The following ZNF792 variants were observed in gnomAD, a reference collection of about 807,000 sequenced individuals.
ZNF792 encodes the protein zinc finger protein 792.
In ZNF792, 14 loss-of-function variants were observed where a neutral mutation model predicts 13.1. That is an observed-to-expected ratio of 1.07 (90% CI 0.71 to 1.67). ZNF792 has a LOEUF of 1.67. ZNF792 is among the 40% of genes most tolerant of loss of function. The probability of loss-of-function intolerance (pLI) is 0.00; values close to 1 mark genes in which losing one functional copy is unlikely to be tolerated. For missense variants in ZNF792, 740 were observed against 807.9 expected, an observed-to-expected ratio of 0.92 and a Z score of 1.02; for synonymous variants, 257 against 292.0, an observed-to-expected ratio of 0.88 and a Z score of 1.22.
In ZNF792 at chr19:34,959,674, T is replaced by C. The variant is rs1007692693; in HGVS notation, c.284-103A>G. 5.8e-5 allele frequency: 74 copies of C among 1,280,510 alleles called. No individual in the cohort carries two copies. The highest frequency in any genetic ancestry group is 8.5e-5 in the Admixed American group (3 of 35,104). 79.3% of individuals were successfully genotyped at this position (1,280,510 alleles called of 1,614,324 possible). On this transcript the variant is annotated intron_variant, in intron 3 of 3. Transcript: ENST00000404801. Reference sequence around the variant, plus strand: ...ACCCAAGAATAAGCCCATGGGATTGTTGGCAACACAAGAAGGCTCAGGTCA... The same window carrying C: ...ACCCAAGAATAAGCCCATGGGATTGCTGGCAACACAAGAAGGCTCAGGTCA...
At chr19:34,961,031 T>G in intron 1 of ZNF792, 37 bp from the exon 2 acceptor site, 1 of 1,591,766 alleles carries the variant, frequency 6.3e-7, no homozygotes, top group Non-Finnish European at 8.6e-7. Flanking sequence ...ATGATCAGTC[T>G]CTGTCCTTGG....
In ZNF792 at chr19:34,963,866, C is replaced by G. The variant is rs111702221; in HGVS notation, c.-204G>C. The G allele has an allele frequency of 1.7e-6, 1 of 580,586 alleles. No individual in the cohort carries two copies. Among genetic ancestry groups the G allele is most frequent in the Non-Finnish European group, 2.9e-6 (1 of 342,542 alleles). 36.0% of individuals were successfully genotyped at this position (580,586 alleles called of 1,614,324 possible). The stretch of plus-strand genomic sequence containing the variant: ...GCGCAGGCTCCGGGGGCGCCGAGAG[C>G]GCGCAGCTCCGCTGGGTACCCCCGT... On this transcript the variant is annotated 5_prime_UTR_variant, in exon 1 of 4. Coordinates refer to ENST00000404801, the MANE Select transcript of ZNF792 (RefSeq NM_175872.5).
At chr19:34,959,988 T>A (rs1219399001) in intron 3 of ZNF792, among the ~76,000 whole-genome samples, 1 of 152,016 alleles carries the variant, frequency 6.6e-6, no homozygotes, top group Admixed American at 6.5e-5. Context: ...TAGGCCAGTG[T>A]TGGAAAGTGC....
intron 1 of ZNF792, among the ~76,000 whole-genome samples, chr19:34,962,024 C>T (rs1409479855): frequency 6.6e-6 from 1 of 152,222 alleles, no homozygotes; most frequent in South Asian, 2.1e-4. Context: ...TCCATCACCA[C>T]CATGACCACT....
chr19:34,960,693 G>T, intron 2 of ZNF792, 175 bp downstream of exon 2: 1 of 982,404 alleles, frequency 1.0e-6, no homozygotes, highest in Non-Finnish European at 1.5e-6. Context: ...GCAGCTCAGG[G>T]AGAGGAGGGA....
Position 34,963,885 on chromosome 19 carries a change from C to G in ZNF792, c.-223G>C. 1 of 545,446 alleles carries G rather than the reference C, an allele frequency of 1.8e-6. No individual in the cohort carries two copies. The highest frequency in any genetic ancestry group is 3.2e-6 in the Non-Finnish European group (1 of 316,098). The allele number at this position is 545,446 out of a possible 1,614,324, so 33.8% of individuals were successfully genotyped here. A position where few individuals can be genotyped will look rare whatever the true frequency, so the allele number is the denominator to read the frequency against. Reference sequence around the variant, plus strand: ...CGAGAGCGCGCAGCTCCGCTGGGTACCCCCGTTGCAAGGGGTCACGGCTGG... The same window carrying G: ...CGAGAGCGCGCAGCTCCGCTGGGTAGCCCCGTTGCAAGGGGTCACGGCTGG... On this transcript the variant is annotated 5_prime_UTR_variant, in exon 1 of 4. Transcript: ENST00000404801.
intron 3 of ZNF792, 130 bp from the exon 4 acceptor site, chr19:34,959,701 G>A: frequency 1.9e-6 from 2 of 1,032,522 alleles, no homozygotes; most frequent in Non-Finnish European, 2.7e-6. Flanking sequence ...CTCAGGTCAG[G>A]GTAAGGAATA....
intron 2 of ZNF792, 155 bp downstream of exon 2, chr19:34,960,713 A>C: frequency 1.7e-6 from 2 of 1,172,994 alleles, no homozygotes; most frequent in Non-Finnish European, 2.4e-6. Context: ...AACAATGCAC[A>C]TAGCTCAGCC....
Position 34,958,262 on chromosome 19 carries a change from C to A in ZNF792, c.1593G>T (p.Glu531Asp), listed in dbSNP as rs1293615494. 1.2e-6 allele frequency: 2 copies of A among 1,613,410 alleles called. No homozygotes were observed. The highest frequency in any genetic ancestry group is 1.7e-6 in the Non-Finnish European group (2 of 1,179,748). ...CACATTCGCTGCACTCATAAGGCCG[C>A]TCGCCGGTGTGAAGTCTCCGGTGGT... ...LNNHRRLHTGERPYECSECGK... is the reference protein window; with the variant it reads ...LNNHRRLHTGDRPYECSECGK... Residue 531 changes from glutamate to aspartate, a missense_variant, in exon 4 of 4, where the codon GAG becomes GAT. Coordinates refer to ENST00000404801, the MANE Select transcript of ZNF792 (RefSeq NM_175872.5).
rs2013504491 is a variant in ZNF792, at chr19:34,960,172, T to C, written c.283+63A>G. ...AAATGATGATGAATAGGAGAGAAGA[T>C]GCTGGTATGATGTAAACACAGTGGT... On this transcript the variant is annotated intron_variant, in intron 3 of 3. Coordinates refer to ENST00000404801, the MANE Select transcript of ZNF792 (RefSeq NM_175872.5). 8.2e-6 allele frequency: 13 copies of C among 1,584,014 alleles called. 1 individual carries two copies. In the Admixed American group the frequency reaches 2.2e-4, roughly 27 times the overall value.
intron 1 of ZNF792, among the ~76,000 whole-genome samples, chr19:34,961,716 TA>T (rs1359329118): frequency 2.6e-5 from 4 of 151,840 alleles, no homozygotes; most frequent in Non-Finnish European, 5.9e-5. Flanking sequence ...CACACTCATT[TA>T]AAAAAGAAAA....
chr19:34,960,386 C>CCAG (rs773242579), intron 2 of ZNF792, 29 bp from the exon 3 acceptor site: 2 of 1,606,414 alleles, frequency 1.2e-6, no homozygotes, highest in African/African-American at 2.7e-5. Context: ...GGGTCAGTGG[C>CCAG]CAGCACCTGC....
Position 34,958,531 on chromosome 19 carries a change from T to G in ZNF792, c.1324A>C (p.Ile442Leu). The G allele has an allele frequency of 5.0e-6, 8 of 1,596,446 alleles. No individual in the cohort carries two copies. The highest frequency in any genetic ancestry group is 5.1e-6 in the Non-Finnish European group (6 of 1,170,568). ...TGAGGCCGCTCGCCAGTGTGAACTA[T>G]CTGATGTTGAATGAGGCTGGCAATG... Reference protein sequence around the residue: ...SHIASLIQHQIVHTGERPHGC... With the variant: ...SHIASLIQHQLVHTGERPHGC... The change falls in exon 4 of 4, where the codon ATA becomes CTA. Residue 442 changes from isoleucine to leucine, a missense_variant. Ile to Leu is a conservative substitution (Grantham distance 5). Coordinates refer to ENST00000404801, the MANE Select transcript of ZNF792 (RefSeq NM_175872.5).
chr19:34,962,966 CG>C (rs2013549619), intron 1 of ZNF792, among the ~76,000 whole-genome samples: 1 of 152,188 alleles, frequency 6.6e-6, no homozygotes, highest in Non-Finnish European at 1.5e-5. Flanking sequence ...CCCTCCACAT[CG>C]GAAAATTTGG....
In ZNF792 at chr19:34,963,780, G is replaced by T; in HGVS notation, c.-118C>A. 8.5e-7 allele frequency: 1 copy of T among 1,170,480 alleles called. No homozygotes were observed. Among genetic ancestry groups the T allele is most frequent in the Non-Finnish European group, 1.2e-6 (1 of 845,956 alleles). 72.5% of individuals were successfully genotyped at this position (1,170,480 alleles called of 1,614,324 possible). On this transcript the variant is annotated 5_prime_UTR_variant, in exon 1 of 4. Transcript: ENST00000404801. ...CGTGCCCCAGACGAGGTGTGACCCC[G>T]GGCTGAGGGTCGCACTCCTAGCCTC...
Position 34,963,922 on chromosome 19 carries a change from G to A in ZNF792, c.-260C>T, listed in dbSNP as rs182262121. The A allele has an allele frequency of 5.3e-5, 24 of 452,180 alleles. No individual in the cohort carries two copies. The highest frequency in any genetic ancestry group is 3.3e-4 in the East Asian group (9 of 27,542). 28.0% of individuals were successfully genotyped at this position (452,180 alleles called of 1,614,324 possible). On this transcript the variant is annotated 5_prime_UTR_variant, in exon 1 of 4. Coordinates refer to ENST00000404801, the MANE Select transcript of ZNF792 (RefSeq NM_175872.5). ...GGGGTCACGGCTGGTGCAAAGGCGC[G>A]GAGGGGGTCCCGGCCTCACTGTCCC...
chr19:34,959,153 A>G lies in ZNF792; in HGVS notation c.702T>C (p.Asp234=). The change falls in exon 4 of 4, where the codon GAT becomes GAC. Residue 234 remains aspartate, a synonymous_variant. Coordinates refer to ENST00000404801, the MANE Select transcript of ZNF792 (RefSeq NM_175872.5). ...CTTCGGTGGCCTCGTGCGGCTCCCC[A>G]TCGCTGGGAGTGACCTCACACTGCA... ...GFLQCEVTPS[D]GEPHEATEGV... 1 of 1,613,846 alleles carries G rather than the reference A, an allele frequency of 6.2e-7. No homozygotes were observed.
Position 34,963,636 on chromosome 19 carries a change from G to C in ZNF792, c.27C>G (p.Pro9=), listed in dbSNP as rs760971455. Residue 9 remains proline, a synonymous_variant, in exon 1 of 4, where the codon CCC becomes CCG. Coordinates refer to ENST00000404801, the MANE Select transcript of ZNF792 (RefSeq NM_175872.5). The part of the protein sequence containing the change: MAAAALRD[P]AQGCVTFEDV... ...CTAACGTCCAAGCACTCACCTGCGC[G>C]GGGTCCCGCAGCGCCGCCGCTGCCA... The C allele has an allele frequency of 3.7e-6, 6 of 1,603,244 alleles. 1 individual carries two copies. In the South Asian group the frequency reaches 6.7e-5, roughly 18 times the overall value.
In ZNF792 at chr19:34,957,872, C is replaced by T; in HGVS notation, c.*84G>A. On this transcript the variant is annotated 3_prime_UTR_variant, in exon 4 of 4. Transcript: ENST00000404801. ...GGTGCTGACATGGCTTCTATCACAACCCCAGCAGTGAAAAAACGCTGATAA... is the reference window on the plus strand; with the variant it reads ...GGTGCTGACATGGCTTCTATCACAATCCCAGCAGTGAAAAAACGCTGATAA... The T allele has an allele frequency of 5.8e-6, 8 of 1,384,670 alleles. No individual in the cohort carries two copies. Among genetic ancestry groups the T allele is most frequent in the South Asian group, 1.5e-5 (1 of 66,650 alleles). The allele number at this position is 1,384,670 out of a possible 1,614,324, so 85.8% of individuals were successfully genotyped here.
Sources: gnomAD v4.1 joint callset for allele counts (sites outside exome capture counted in the v4.1 genomes callset) on GRCh38, gnomAD v4.1.1 for gene constraint, MANE v1.5 for transcripts, NCBI Gene and HGNC (gene_info 2026-07-23, HGNC 2026-07-21) for gene names.